Variants in CENPO observed in about 807,000 individuals in gnomAD.
The protein encoded by CENPO is centromere protein O.
CENPO carries 30 observed loss-of-function variants against 36.1 expected under a neutral mutation model. That is an observed-to-expected ratio of 0.83 (90% confidence interval 0.62 to 1.13). CENPO has a LOEUF of 1.13. Ranked by LOEUF, CENPO falls within the 50% of genes most tolerant of loss-of-function variation. CENPO has a pLI of 0.00. For missense variants in CENPO, 349 were observed against 357.8 expected (o/e 0.98, Z 0.20); for synonymous variants, 171 against 142.3 (o/e 1.20, Z -1.44).
intron 3 of CENPO, among the ~76,000 whole-genome samples, chr2:24,813,374 A>G (rs530739529): frequency 2.4e-4 from 36 of 152,154 alleles, no homozygotes; most frequent in African/African-American, 6.3e-4. Context: ...GAGGTGGTCT[A>G]TTTCCGGTTT....
At chr2:24,817,492 T>G (rs1386957368) in intron 6 of CENPO, among the ~76,000 whole-genome samples, 178 bp from the exon 7 acceptor site, 23 of 98,122 alleles carry the variant, frequency 2.3e-4, no homozygotes, top group African/African-American at 4.2e-4. Context: ...ATGGGTCCAG[T>G]GGGTCCAGAA....
intron 3 of CENPO, among the ~76,000 whole-genome samples, chr2:24,804,166 T>G (rs1666276890): frequency 6.6e-6 from 1 of 152,214 alleles, no homozygotes; most frequent in Non-Finnish European, 1.5e-5. Flanking sequence ...GCTTTTTTTT[T>G]GTTTTCCATT....
intron 3 of CENPO, among the ~76,000 whole-genome samples, chr2:24,800,824 TC>T (rs1666127555): frequency 6.6e-6 from 1 of 152,186 alleles, no homozygotes; most frequent in African/African-American, 2.4e-5. Flanking sequence ...TGTTTTATAA[TC>T]CTTTGGATAT....
At position 24,821,643 on chromosome 2, in the gene CENPO, G is replaced by T; in HGVS notation, c.*2325G>T. On this transcript the variant is annotated 3_prime_UTR_variant, in exon 8 of 8. Coordinates refer to ENST00000380834, the MANE Select transcript of CENPO (RefSeq NM_001322101.2). ...CGCTCTCTCTCGGACTTGTCTTCCT[G>T]TGCCAGGGGACCGTGGAGAAAGTGT... The T allele has an allele frequency of 6.2e-7, 1 of 1,613,878 alleles. No individual in the cohort carries two copies. Among genetic ancestry groups the T allele is most frequent in the South Asian group, 1.1e-5 (1 of 91,074 alleles).
At chr2:24,793,728 G>C in intron 1 of CENPO, 124 bp from the exon 2 acceptor site, 1 of 959,584 alleles carries the variant, frequency 1.0e-6, no homozygotes, top group Non-Finnish European at 1.6e-6. Flanking sequence ...CAGGAAAGGG[G>C]ATCCTAGCCG....
Position 24,817,733 on chromosome 2 carries a change from C to G in CENPO, c.830C>G (p.Thr277Arg). ...GCATCTCATGAAACTCTGTTCTGTA[C>G]GAAGCCCTTGCATCAAGTGTTTGCC... ...QRASHETLFC[T>R]KPLHQVFASF... Residue 277 changes from threonine to arginine, a missense_variant, in exon 7 of 8, where the codon ACG becomes AGG. By Grantham distance (71) the Thr-to-Arg change is moderately conservative (BLOSUM62 -1). Coordinates refer to ENST00000380834, the MANE Select transcript of CENPO (RefSeq NM_001322101.2). 1 of 1,614,162 alleles carries G rather than the reference C, an allele frequency of 6.2e-7. No individual in the cohort carries two copies. The highest frequency in any genetic ancestry group is 1.1e-5 in the South Asian group (1 of 91,082).
Position 24,817,856 on chromosome 2 carries a change from C to G in CENPO, c.*35+15C>G. The G allele has an allele frequency of 6.2e-7, 1 of 1,608,708 alleles. No individual in the cohort carries two copies. Among genetic ancestry groups the G allele is most frequent in the African/African-American group, 1.3e-5 (1 of 74,860 alleles). ...GCACATCAGAGGTAAGTAACCAGTA[C>G]TGAAGACAGTACCAGGTGGGTAGTA... On this transcript the variant is annotated intron_variant, in intron 7 of 7. Coordinates refer to ENST00000380834, the MANE Select transcript of CENPO (RefSeq NM_001322101.2).
chr2:24,815,818 G>C, intron 5 of CENPO, 62 bp downstream of exon 5: 1 of 1,504,828 alleles, frequency 6.6e-7, no homozygotes, highest in South Asian at 1.2e-5. Context: ...AAAGGGGGAT[G>C]TTTTTTGTAT....
chr2:24,811,705 C>T (rs1484646988), intron 3 of CENPO, among the ~76,000 whole-genome samples: 1 of 152,192 alleles, frequency 6.6e-6, no homozygotes, highest in East Asian at 1.9e-4. Flanking sequence ...TCGTGATCCA[C>T]CTGCCTCGGC....
chr2:24,799,834 G>C lies in CENPO; in HGVS notation c.206G>C (p.Arg69Pro). 3 of 1,613,084 alleles carry C rather than the reference G, an allele frequency of 1.9e-6. No homozygotes were observed. The highest frequency in any genetic ancestry group is 1.3e-5 in the African/African-American group (1 of 75,018). Residue 69 changes from arginine to proline, a missense_variant, in exon 3 of 8, where the codon CGG becomes CCG. Physicochemically the swap from Arg to Pro is moderately radical, Grantham distance 103 (BLOSUM62 -2). Transcript: ENST00000380834. ...RDELRAVVRH[R>P]RASVKACIAN... ...GAGCTGAGGGCTGTGGTGCGGCACCGGCGAGCCAGCGTGAGTAGAAGGGTG... is the reference window on the plus strand; with the variant it reads ...GAGCTGAGGGCTGTGGTGCGGCACCCGCGAGCCAGCGTGAGTAGAAGGGTG...
rs1050203638 is a variant in CENPO, at chr2:24,822,038, C to T, written c.*2720C>T. On this transcript the variant is annotated 3_prime_UTR_variant, in exon 8 of 8. Coordinates refer to ENST00000380834, the MANE Select transcript of CENPO (RefSeq NM_001322101.2). ...TTTAACCTCATCCATATAATAGGGC[C>T]GTGGGATGGTTGTAGAGGTAAAGCA... 14 of 203,734 alleles carry T rather than the reference C, an allele frequency of 6.9e-5. No individual in the cohort carries two copies. Among genetic ancestry groups the T allele is most frequent in the South Asian group, 1.1e-4 (1 of 9,440 alleles). 12.6% of individuals were successfully genotyped at this position (203,734 alleles called of 1,614,324 possible). A position where few individuals can be genotyped will look rare whatever the true frequency, so the allele number is the denominator to read the frequency against.
At chr2:24,808,301 T>C (rs1367203041) in intron 3 of CENPO, among the ~76,000 whole-genome samples, 2 of 152,142 alleles carry the variant, frequency 1.3e-5, no homozygotes, top group Non-Finnish European at 2.9e-5. Flanking sequence ...CTCCACCTCC[T>C]GGGTTCAAGA....
chr2:24,814,298 T>G (rs1218191426), intron 3 of CENPO, 78 bp from the exon 4 acceptor site: 6 of 780,452 alleles, frequency 7.7e-6, no homozygotes, highest in Non-Finnish European at 1.4e-5. Context: ...TGTATTTAGC[T>G]TTCATCCAGT....
chr2:24,793,821 G>C, intron 1 of CENPO, 31 bp from the exon 2 acceptor site: 1 of 1,516,606 alleles, frequency 6.6e-7, no homozygotes, highest in Non-Finnish European at 9.2e-7. Context: ...GACTAGATGT[G>C]ATGTGACTGT....
rs1195068533 is a variant in CENPO, at chr2:24,821,904, C to T, written c.*2586C>T. 7.1e-6 allele frequency: 3 copies of T among 421,646 alleles called. No homozygotes were observed. Among genetic ancestry groups the T allele is most frequent in the East Asian group, 4.6e-5 (1 of 21,878 alleles). 26.1% of individuals were successfully genotyped at this position (421,646 alleles called of 1,614,324 possible). On this transcript the variant is annotated 3_prime_UTR_variant, in exon 8 of 8. Transcript: ENST00000380834. ...CTGACCACGAGGCGGACCCCTTCAC[C>T]TTGGCTGGGCCTGGTCCTGGTCCTT...
At chr2:24,810,982 C>G (rs565111823) in intron 3 of CENPO, among the ~76,000 whole-genome samples, 1 of 151,744 alleles carries the variant, frequency 6.6e-6, no homozygotes, top group Non-Finnish European at 1.5e-5. Context: ...CTCACTCTGT[C>G]GCCCAGGCTG....
At chr2:24,805,017 G>A (rs1329467743) in intron 3 of CENPO, among the ~76,000 whole-genome samples, 1 of 152,182 alleles carries the variant, frequency 6.6e-6, no homozygotes, top group Non-Finnish European at 1.5e-5. Flanking sequence ...TGGAGGCTTT[G>A]TTCGTTTCTT....
intron 2 of CENPO, among the ~76,000 whole-genome samples, chr2:24,797,716 G>A (rs777284996): frequency 6.6e-6 from 1 of 152,182 alleles, no homozygotes. Flanking sequence ...ATACCAACAG[G>A]CCGCTATGCT....
chr2:24,793,491 T>G lies in CENPO; in HGVS notation c.-79T>G, dbSNP rs1051769413. 6.2e-7 allele frequency: 1 copy of G among 1,600,994 alleles called. No homozygotes were observed. The highest frequency in any genetic ancestry group is 1.1e-5 in the South Asian group (1 of 89,444). The stretch of plus-strand genomic sequence containing the variant: ...AGACGTGGATGGCGGGAATTCTCGC[T>G]TCTGGCCTGGGTGAGCTAGAAGGGA... On this transcript the variant is annotated 5_prime_UTR_variant, in exon 1 of 8. Transcript: ENST00000380834.
Sources: allele counts gnomAD v4.1 joint callset (sites outside exome capture counted in the v4.1 genomes callset), GRCh38; gene constraint gnomAD v4.1.1; transcripts MANE v1.5; gene names NCBI Gene and HGNC (gene_info 2026-07-23, HGNC 2026-07-21).